SH3RF2: variants seen among roughly 807,000 people sequenced by gnomAD.
SH3RF2 encodes the protein E3 ubiquitin-protein ligase SH3RF2.
In SH3RF2, 43 loss-of-function variants were observed where a neutral mutation model predicts 59.0. The ratio of observed to expected loss-of-function variants is 0.73; its 90% CI spans 0.57 to 0.94. The LOEUF is 0.94. Ranked by LOEUF, SH3RF2 falls within the 40% of genes least tolerant of loss-of-function variation. The probability of loss-of-function intolerance (pLI) is 0.00; values close to 1 mark genes in which losing one functional copy is unlikely to be tolerated. For synonymous variants in SH3RF2, 391 were observed against 391.5 expected (o/e 1.00, Z 0.01); for missense variants, 930 against 940.1 (o/e 0.99, Z 0.14).
chr5:146,075,779 A>T (rs13162089), intron 9 of SH3RF2, among the ~76,000 whole-genome samples: 1 of 44,144 alleles, frequency 2.3e-5, no homozygotes, highest in Admixed American at 2.6e-4. Flanking sequence ...AATTCCATGT[A>T]AAAAAAAAAA....
intron 5 of SH3RF2, among the ~76,000 whole-genome samples, chr5:146,016,326 G>A (rs17212176): frequency 0.023 from 3,503 of 151,802 alleles, 59 homozygotes; most frequent in Non-Finnish European, 0.033. Flanking sequence ...AATATGAGAC[G>A]GATGGATCTA....
chr5:145,997,987 T>C (rs966356618), intron 2 of SH3RF2: 3 of 754,328 alleles, frequency 4.0e-6, no homozygotes, highest in Admixed American at 3.7e-5. Context: ...CCAGAACATA[T>C]AGACAAGTAT....
At chr5:146,014,163 G>A in intron 5 of SH3RF2, 102 bp downstream of exon 5, 1 of 1,246,478 alleles carries the variant, frequency 8.0e-7, no homozygotes, top group Non-Finnish European at 1.1e-6. Flanking sequence ...TAAGCACCCA[G>A]AATGCCCTAC....
intron 4 of SH3RF2, among the ~76,000 whole-genome samples, chr5:146,007,941 C>T (rs746008779): frequency 6.6e-6 from 1 of 152,182 alleles, no homozygotes; most frequent in Non-Finnish European, 1.5e-5. Context: ...TTTAAATAAA[C>T]TTTGAATTAC....
intron 2 of SH3RF2, among the ~76,000 whole-genome samples, chr5:145,999,275 G>A (rs1760296756): frequency 6.6e-6 from 1 of 152,186 alleles, no homozygotes; most frequent in Non-Finnish European, 1.5e-5. Flanking sequence ...GCTTTGGCTT[G>A]AGGGTCTGTT....
At chr5:146,005,028 C>T (rs1760586078) in intron 4 of SH3RF2, among the ~76,000 whole-genome samples, 1 of 151,880 alleles carries the variant, frequency 6.6e-6, no homozygotes, top group Non-Finnish European at 1.5e-5. Context: ...AGGATATGTA[C>T]CAAAATGTTA....
chr5:146,034,305 G>A (rs1026694134), intron 5 of SH3RF2, among the ~76,000 whole-genome samples: 18 of 152,220 alleles, frequency 1.2e-4, no homozygotes, highest in Non-Finnish European at 2.6e-4. Flanking sequence ...GATGGGAGAG[G>A]ACAGCAGAGG....
chr5:146,060,823 T>A (rs941984830), intron 9 of SH3RF2, among the ~76,000 whole-genome samples: 4 of 152,210 alleles, frequency 2.6e-5, no homozygotes, highest in African/African-American at 9.7e-5. Context: ...AGACGTCAGA[T>A]CTGTTAACTT....
chr5:146,029,085 T>C (rs1428677438), intron 5 of SH3RF2, among the ~76,000 whole-genome samples: 1 of 152,178 alleles, frequency 6.6e-6, no homozygotes, highest in African/African-American at 2.4e-5. Flanking sequence ...CACTTTCCAT[T>C]CCCACTCAGC....
At chr5:146,048,090 A>G (rs1762371016) in intron 6 of SH3RF2, among the ~76,000 whole-genome samples, 1 of 152,172 alleles carries the variant, frequency 6.6e-6, no homozygotes, top group Non-Finnish European at 1.5e-5. Context: ...AGGCAGGAGG[A>G]TTGCTTGAAC....
intron 2 of SH3RF2, among the ~76,000 whole-genome samples, chr5:145,941,130 C>T (rs970495383): frequency 5.3e-5 from 8 of 152,174 alleles, no homozygotes; most frequent in East Asian, 1.9e-4. Context: ...TTGCCGATAA[C>T]CTGGCACCCT....
intron 2 of SH3RF2, chr5:145,997,194 C>A (rs12652801): frequency 1.3e-6 from 1 of 781,872 alleles, no homozygotes; most frequent in South Asian, 1.5e-5. Flanking sequence ...TTGTCAATGT[C>A]TCAGATTTTC....
intron 5 of SH3RF2, among the ~76,000 whole-genome samples, chr5:146,018,718 T>C (rs1023410126): frequency 1.3e-5 from 2 of 152,212 alleles, no homozygotes; most frequent in South Asian, 4.1e-4. Context: ...CTGTTTTCCA[T>C]AGAGGTTAAA....
Position 145,937,807 on chromosome 5 carries a change from T to A in SH3RF2, c.-106-16T>A. ...CAGTCACATTTTTTTTTCTCTCCTC[T>A]CCCTCCTTCAAGCAGGCAAAAATTC... On this transcript the variant is annotated splice_polypyrimidine_tract_variant and intron_variant, in intron 1 of 9. Transcript: ENST00000359120. 1 of 1,177,928 alleles carries A rather than the reference T, an allele frequency of 8.5e-7. No homozygotes were observed. Among genetic ancestry groups the A allele is most frequent in the Non-Finnish European group, 1.2e-6 (1 of 839,952 alleles). The allele number at this position is 1,177,928 out of a possible 1,614,324, so 73.0% of individuals were successfully genotyped here. A position where few individuals can be genotyped will look rare whatever the true frequency, so the allele number is the denominator to read the frequency against.
At chr5:145,947,947 A>T (rs1422023169) in intron 2 of SH3RF2, among the ~76,000 whole-genome samples, 1 of 152,224 alleles carries the variant, frequency 6.6e-6, no homozygotes, top group Non-Finnish European at 1.5e-5. Flanking sequence ...TTTTCAAGTT[A>T]TTTTAAGATT....
rs544248038 is a variant in SH3RF2 at position 146,024,220 on chromosome 5, C to T, written c.1059+10159C>T. ...GCTTGGTGTATGCAGGTTGCAATTT[C>T]CCCACATCTTCGCCAACACTTGTTT... On this transcript the variant is annotated intron_variant, in intron 5 of 9. Transcript: ENST00000359120. 5.3e-5 allele frequency among the ~76,000 whole-genome samples: 8 copies of T among 152,298 alleles called. No homozygotes were observed. In the South Asian group the frequency reaches 1.5e-3, roughly 28 times the overall value.
At chr5:146,075,710 C>T (rs1281518994) in intron 9 of SH3RF2, among the ~76,000 whole-genome samples, 5 of 133,582 alleles carry the variant, frequency 3.7e-5, no homozygotes, top group Non-Finnish European at 6.2e-5. Flanking sequence ...ACCCGGGAGG[C>T]GGAGGTTGCA....
intron 9 of SH3RF2, among the ~76,000 whole-genome samples, chr5:146,075,731 G>C (rs1209136167): frequency 1.4e-5 from 2 of 141,820 alleles, no homozygotes; most frequent in East Asian, 4.1e-4. Flanking sequence ...GTGAACCAAG[G>C]TGGCACCACT....
chr5:146,024,709 G>A (rs576700527), intron 5 of SH3RF2, among the ~76,000 whole-genome samples: 2 of 152,232 alleles, frequency 1.3e-5, no homozygotes, highest in Middle Eastern at 6.8e-3. Flanking sequence ...TTATGATCCA[G>A]CTGGAGTTAA....
Sources: allele counts gnomAD v4.1 joint callset (sites outside exome capture counted in the v4.1 genomes callset), GRCh38; gene constraint gnomAD v4.1.1; transcripts MANE v1.5; gene names NCBI Gene and HGNC (gene_info 2026-07-23, HGNC 2026-07-21).